The following RALGAPA2 variants were observed in gnomAD, a reference collection of about 807,000 sequenced individuals.
RALGAPA2 encodes the protein Ral GTPase activating protein catalytic subunit alpha 2.
A neutral mutation model predicts 230.4 loss-of-function variants in RALGAPA2; 139 were observed. That is an observed-to-expected ratio of 0.60 (90% CI 0.53 to 0.69). RALGAPA2 has a LOEUF of 0.69. Among genes scored for constraint, RALGAPA2 ranks in the 30% least tolerant of loss-of-function variants. The probability of loss-of-function intolerance (pLI) is 0.00; values close to 1 mark genes in which losing one functional copy is unlikely to be tolerated. For synonymous variants in RALGAPA2, 847 were observed against 837.8 expected (o/e 1.01, Z -0.19); for missense variants, 2,163 against 2,276.0 (o/e 0.95, Z 1.01).
At chr20:20,521,992 C>CA (rs2063057830) in intron 30 of RALGAPA2, among the ~76,000 whole-genome samples, 1 of 152,014 alleles carries the variant, frequency 6.6e-6, no homozygotes, top group Non-Finnish European at 1.5e-5. Flanking sequence ...CTCTTCCTAG[C>CA]AAAAAATGCA....
intron 10 of RALGAPA2, among the ~76,000 whole-genome samples, chr20:20,621,523 T>C (rs948418730): frequency 2.6e-5 from 4 of 152,066 alleles, no homozygotes; most frequent in Non-Finnish European, 4.4e-5. Context: ...CCTTCCTTTT[T>C]TGTTATTATT....
chr20:20,603,865 C>T (rs1568636764), intron 15 of RALGAPA2, among the ~76,000 whole-genome samples: 3 of 152,148 alleles, frequency 2.0e-5, no homozygotes, highest in Non-Finnish European at 4.4e-5. Context: ...GTCTATAAGG[C>T]AGCTGGTATT....
intron 37 of RALGAPA2, among the ~76,000 whole-genome samples, chr20:20,458,408 T>C (rs1184357361): frequency 7.0e-6 from 1 of 143,780 alleles, no homozygotes; most frequent in Non-Finnish European, 1.5e-5. Flanking sequence ...ACATATAATA[T>C]ATGTTATATA....
intron 1 of RALGAPA2, among the ~76,000 whole-genome samples, chr20:20,688,093 G>C (rs140793534): frequency 2.2e-4 from 33 of 152,176 alleles, no homozygotes; most frequent in Non-Finnish European, 1.9e-4. Flanking sequence ...CATTAAACAG[G>C]AGGTATACCA....
chr20:20,492,093 T>A (rs1329200632), intron 36 of RALGAPA2, among the ~76,000 whole-genome samples: 1 of 152,206 alleles, frequency 6.6e-6, no homozygotes. Context: ...TAAGCTTGTA[T>A]TACAAATAGC....
chr20:20,606,711 C>T (rs2065833450), intron 14 of RALGAPA2, among the ~76,000 whole-genome samples: 1 of 152,174 alleles, frequency 6.6e-6, no homozygotes, highest in South Asian at 2.1e-4. Context: ...ACCTATCACA[C>T]CTTTCCTTCA....
rs1009458946 is a variant in RALGAPA2 at position 20,531,742 on chromosome 20, C to T, written c.3527G>A (p.Cys1176Tyr). ...CTCTTTCACCTGAGGGTGGCTTGTA[C>T]ACTGTGCAAGCTCTTCACATATCCA... Reference protein sequence around the residue: ...GVWICEELAQCTSHPQVKEAI... With the variant: ...GVWICEELAQYTSHPQVKEAI... The change falls in exon 27 of 40, where the codon TGT (cysteine) becomes TAT (tyrosine). Residue 1176 changes from cysteine to tyrosine, a missense_variant. Coordinates refer to ENST00000202677, the MANE Select transcript of RALGAPA2 (RefSeq NM_020343.4). The T allele has an allele frequency of 1.9e-6, 3 of 1,608,858 alleles. No homozygotes were observed. Among genetic ancestry groups the T allele is most frequent in the East Asian group, 2.2e-5 (1 of 44,816 alleles).
In RALGAPA2 at chr20:20,564,239, T is replaced by C. The variant is rs372945763; in HGVS notation, c.3156+7219A>G. The stretch of plus-strand genomic sequence containing the variant: ...CATTAAATCAAAGCCACTCTAGTCA[T>C]TGTTCCTGAACACAGCCTGAAAAGT... On this transcript the variant is annotated intron_variant, in intron 23 of 39. Coordinates refer to ENST00000202677, the MANE Select transcript of RALGAPA2 (RefSeq NM_020343.4). Among the ~76,000 whole-genome samples the C allele has an allele frequency of 2.6e-5, 4 of 152,208 alleles. No homozygotes were observed. The East Asian group carries it at 5.8e-4, about 22-fold the overall frequency.
chr20:20,410,092 C>T lies in RALGAPA2; in HGVS notation c.5617+1935G>A, dbSNP rs186669519. ...TTTTAGAAGAGTTCCAATGCCCACC[C>T]TCACATGCTGTCAGAATCTTCATTC... On this transcript the variant is annotated intron_variant, in intron 38 of 39. Coordinates refer to ENST00000202677, the MANE Select transcript of RALGAPA2 (RefSeq NM_020343.4). Among the ~76,000 whole-genome samples, 186 of 152,292 alleles carry T rather than the reference C, an allele frequency of 1.2e-3. 1 individual carries two copies. Among genetic ancestry groups the T allele is most frequent in the Non-Finnish European group, 2.3e-3 (158 of 68,034 alleles).
At chr20:20,417,833 C>T (rs968573259) in intron 37 of RALGAPA2, among the ~76,000 whole-genome samples, 6 of 152,166 alleles carry the variant, frequency 3.9e-5, no homozygotes, top group African/African-American at 1.4e-4. Context: ...TATGAGACAG[C>T]TAGATATATT....
chr20:20,391,414 A>G lies in RALGAPA2; in HGVS notation c.*1875T>C, dbSNP rs2059601145. The G allele has an allele frequency of 6.6e-6, 1 of 152,186 alleles. No individual in the cohort carries two copies. Among genetic ancestry groups the G allele is most frequent in the African/African-American group, 2.4e-5 (1 of 41,438 alleles). The allele number at this position is 152,186 out of a possible 1,614,324, so 9.4% of individuals were successfully genotyped here. A position where few individuals can be genotyped will look rare whatever the true frequency, so the allele number is the denominator to read the frequency against. ...GCCCAGGGGCCAGAAGCTTCCTTCCACTTTGGGGCACCCTCATTCTCTTCT... is the reference window on the plus strand; with the variant it reads ...GCCCAGGGGCCAGAAGCTTCCTTCCGCTTTGGGGCACCCTCATTCTCTTCT... On this transcript the variant is annotated 3_prime_UTR_variant, in exon 40 of 40. Transcript: ENST00000202677.
intron 3 of RALGAPA2, among the ~76,000 whole-genome samples, chr20:20,661,257 C>G (rs139770328): frequency 6.6e-6 from 1 of 152,232 alleles, no homozygotes; most frequent in Non-Finnish European, 1.5e-5. Context: ...CACCCAGGCT[C>G]AAGTGATTCT....
At position 20,436,993 on chromosome 20, in the gene RALGAPA2, G is replaced by A. The variant is rs530277296; in HGVS notation, c.5496-24845C>T. ...GGCTAACTAACTGACGGGAGGCTCCGAGCTCTGAATGCTGCCGGTGGGACC... is the reference window on the plus strand; with the variant it reads ...GGCTAACTAACTGACGGGAGGCTCCAAGCTCTGAATGCTGCCGGTGGGACC... On this transcript the variant is annotated intron_variant, in intron 37 of 39. Transcript: ENST00000202677. Among the ~76,000 whole-genome samples, 13 of 152,324 alleles carry A rather than the reference G, an allele frequency of 8.5e-5. No individual in the cohort carries two copies. The East Asian group carries it at 9.7e-4, about 11-fold the overall frequency.
chr20:20,629,816 T>C (rs1018167662), intron 9 of RALGAPA2, among the ~76,000 whole-genome samples: 1 of 152,216 alleles, frequency 6.6e-6, no homozygotes, highest in Non-Finnish European at 1.5e-5. Flanking sequence ...AGAGGAAAAC[T>C]ACTAAGCTAT....
chr20:20,647,972 G>A (rs1317531837), intron 4 of RALGAPA2, among the ~76,000 whole-genome samples: 2 of 152,096 alleles, frequency 1.3e-5, no homozygotes, highest in African/African-American at 4.8e-5. Flanking sequence ...ACTGTTACAT[G>A]GTTCAGCCAT....
chr20:20,464,353 T>A (rs2061368867), intron 37 of RALGAPA2, among the ~76,000 whole-genome samples: 1 of 152,208 alleles, frequency 6.6e-6, no homozygotes. Context: ...CTGTTTTATT[T>A]ATGTGTATAC....
Position 20,629,438 on chromosome 20 carries a change from C to G in RALGAPA2, c.1158G>C (p.Met386Ile), listed in dbSNP as rs1307483120. 3.7e-6 allele frequency: 6 copies of G among 1,613,622 alleles called. No individual in the cohort carries two copies. In the South Asian group the frequency reaches 6.6e-5, roughly 18 times the overall value. ...SLCSIEEEHRMVYEMVQRILL... is the reference protein window; with the variant it reads ...SLCSIEEEHRIVYEMVQRILL... ...GAATCCGCTGTACCATTTCATACACCATTCGGTGCTCTTCTTCAATGCTAC... is the reference window on the plus strand; with the variant it reads ...GAATCCGCTGTACCATTTCATACACGATTCGGTGCTCTTCTTCAATGCTAC... The change falls in exon 10 of 40, where the codon ATG becomes ATC. Residue 386 changes from methionine to isoleucine, a missense_variant. Met to Ile is a conservative substitution (Grantham distance 10, BLOSUM62 1). Coordinates refer to ENST00000202677, the MANE Select transcript of RALGAPA2 (RefSeq NM_020343.4).
intron 3 of RALGAPA2, among the ~76,000 whole-genome samples, chr20:20,670,639 AG>A: frequency 6.7e-6 from 1 of 149,784 alleles, no homozygotes; most frequent in East Asian, 2.0e-4. Context: ...TCATAACCAT[AG>A]TAAAAAAAAA....
chr20:20,582,458 A>G (rs1332001904), intron 20 of RALGAPA2, among the ~76,000 whole-genome samples: 2 of 152,212 alleles, frequency 1.3e-5, no homozygotes, highest in Non-Finnish European at 2.9e-5. Flanking sequence ...GTTGCAAAAA[A>G]TACAGAGTAT....
Sources: gnomAD v4.1 joint callset for allele counts (sites outside exome capture counted in the v4.1 genomes callset) on GRCh38, gnomAD v4.1.1 for gene constraint, MANE v1.5 for transcripts, NCBI Gene and HGNC (gene_info 2026-07-23, HGNC 2026-07-21) for gene names.